The following CAPN9 variants were observed in gnomAD, a reference collection of about 807,000 sequenced individuals.
CAPN9 encodes the protein calpain 9.
A neutral mutation model predicts 92.8 loss-of-function variants in CAPN9; 81 were observed. The observed-to-expected ratio is 0.87, with a 90% CI of 0.73 to 1.05. The LOEUF is 1.05. CAPN9 is among the 50% of genes least tolerant of loss of function. The pLI is 0.00. For synonymous variants in CAPN9, 304 were observed against 328.0 expected (o/e 0.93, Z 0.79); for missense variants, 848 against 866.2 (o/e 0.98, Z 0.26).
At chr1:230,793,338 C>A (rs1173502705) in intron 17 of CAPN9, among the ~76,000 whole-genome samples, 1 of 152,228 alleles carries the variant, frequency 6.6e-6, no homozygotes, top group Non-Finnish European at 1.5e-5. Context: ...GAGCATGCAG[C>A]ACCCATGGTT....
rs547592532 is a variant in CAPN9 at position 230,792,053 on chromosome 1, C to T, written c.1722+125C>T. 1.7e-4 allele frequency: 130 copies of T among 768,274 alleles called. No homozygotes were observed. The African/African-American group carries it at 2.0e-3, about 12-fold the overall frequency. 47.6% of individuals were successfully genotyped at this position (768,274 alleles called of 1,614,324 possible). A position where few individuals can be genotyped will look rare whatever the true frequency, so the allele number is the denominator to read the frequency against. On this transcript the variant is annotated intron_variant, in intron 15 of 19. Transcript: ENST00000271971. ...CCTTAGCCAGCAGAATAGTCTTCTT[C>T]ACAGAAAATAACCCAAAGCTGGGGG... is the stretch of plus-strand genomic sequence containing the variant.
At chr1:230,768,539 A>G (rs1666157467) in intron 5 of CAPN9, among the ~76,000 whole-genome samples, 1 of 116,604 alleles carries the variant, frequency 8.6e-6, no homozygotes, top group Admixed American at 8.8e-5. Context: ...AGTTTTCTGA[A>G]ATTTGTTTTT....
chr1:230,785,610 G>T (rs969275644), intron 11 of CAPN9, among the ~76,000 whole-genome samples: 1 of 152,158 alleles, frequency 6.6e-6, no homozygotes, highest in Non-Finnish European at 1.5e-5. Context: ...TGCAATAATT[G>T]TAAGTTTCCT....
intron 5 of CAPN9, among the ~76,000 whole-genome samples, chr1:230,768,347 T>A (rs572480242): frequency 6.6e-6 from 1 of 152,282 alleles, no homozygotes; most frequent in Non-Finnish European, 1.5e-5. Context: ...TACAGGCGCA[T>A]TTTTACCTCC....
chr1:230,786,154 A>T, intron 12 of CAPN9, 137 bp downstream of exon 12: 1 of 1,568,096 alleles, frequency 6.4e-7, no homozygotes, highest in South Asian at 1.2e-5. Context: ...TATGATTCTA[A>T]CCTCCTGGAG....
intron 17 of CAPN9, among the ~76,000 whole-genome samples, chr1:230,793,816 A>G (rs1303333500): frequency 1.3e-5 from 2 of 152,152 alleles, no homozygotes; most frequent in East Asian, 1.9e-4. Flanking sequence ...GGGGCGCCTG[A>G]TTTTCTTAGG....
intron 2 of CAPN9, among the ~76,000 whole-genome samples, 196 bp from the exon 3 acceptor site, chr1:230,759,316 A>G (rs1483117957): frequency 6.6e-6 from 1 of 152,228 alleles, no homozygotes; most frequent in Non-Finnish European, 1.5e-5. Context: ...GCTGTTTATG[A>G]TAGACGGGCA....
chr1:230,772,495 G>A (rs1037447364), intron 7 of CAPN9, among the ~76,000 whole-genome samples: 13 of 152,006 alleles, frequency 8.6e-5, no homozygotes, highest in East Asian at 3.9e-4. Context: ...TTGGAGTGTC[G>A]GAATCCCTGA....
intron 11 of CAPN9, among the ~76,000 whole-genome samples, chr1:230,784,853 C>CCAA (rs1667470095): frequency 6.6e-6 from 1 of 152,194 alleles, no homozygotes; most frequent in African/African-American, 2.4e-5. Flanking sequence ...TCCTCCAGAC[C>CCAA]CAAGAATGGT....
chr1:230,775,916 CAAAAAAA>C (rs34406575), intron 8 of CAPN9, among the ~76,000 whole-genome samples: 1 of 110,556 alleles, frequency 9.0e-6, no homozygotes, highest in Non-Finnish European at 2.0e-5. Context: ...TACTCCATCT[CAAAAAAA>C]AAAAAAAAAA....
In CAPN9 at chr1:230,801,567, C is replaced by A. The variant is rs763070419; in HGVS notation, c.2047-3C>A. The A allele has an allele frequency of 1.2e-6, 2 of 1,613,912 alleles. No individual in the cohort carries two copies. Among genetic ancestry groups the A allele is most frequent in the Non-Finnish European group, 1.7e-6 (2 of 1,179,808 alleles). On this transcript the variant is annotated splice_polypyrimidine_tract_variant and splice_region_variant and intron_variant, in intron 19 of 19. Transcript: ENST00000271971. ...CCCCTCATCTCTCTCTCTCTCTTCC[C>A]AGTTCATCCATTTGACAATGAACAT...
chr1:230,793,954 C>T (rs1668174761), intron 17 of CAPN9, among the ~76,000 whole-genome samples: 1 of 152,114 alleles, frequency 6.6e-6, no homozygotes, highest in South Asian at 2.1e-4. Flanking sequence ...CCCCTCATCC[C>T]CCTCCTCTAG....
chr1:230,777,035 A>G (rs941158966), intron 8 of CAPN9: 3 of 152,250 alleles, frequency 2.0e-5, no homozygotes, highest in African/African-American at 7.2e-5. Context: ...TTTGAAGTAC[A>G]GGGGACTTTG....
chr1:230,769,653 CTATCTATCTATCT>C (rs1285770873), intron 6 of CAPN9, among the ~76,000 whole-genome samples: 14 of 130,826 alleles, frequency 1.1e-4, no homozygotes, highest in African/African-American at 3.0e-4. Flanking sequence ...ATCTATCTAT[CTATCTATCTATCT>C]ATCTATCTAT....
Position 230,755,457 on chromosome 1 carries a change from C to T in CAPN9, c.283+51C>T, listed in dbSNP as rs376727033. On this transcript the variant is annotated intron_variant, in intron 2 of 19. Coordinates refer to ENST00000271971, the MANE Select transcript of CAPN9 (RefSeq NM_006615.3). ...CGAGAGGGAGGTTGAGTCACTGGGACAGGCAAGCAACTGCAGCATGGGGTC... is the reference window on the plus strand; with the variant it reads ...CGAGAGGGAGGTTGAGTCACTGGGATAGGCAAGCAACTGCAGCATGGGGTC... 3 of 1,447,740 alleles carry T rather than the reference C, an allele frequency of 2.1e-6. No individual in the cohort carries two copies. In the African/African-American group the frequency reaches 4.3e-5, roughly 21 times the overall value. The allele number at this position is 1,447,740 out of a possible 1,614,324, so 89.7% of individuals were successfully genotyped here. A position where few individuals can be genotyped will look rare whatever the true frequency, so the allele number is the denominator to read the frequency against.
chr1:230,791,919 C>A lies in CAPN9; in HGVS notation c.1713C>A (p.Ser571=), dbSNP rs199519223. ...LSLISCKNII[S]LMDTSGNGKL... is the part of the protein sequence containing the mutation. ...TGATCTCCTGTAAAAACATCATTTC[C>A]CTGATGGACGTATCCTTCCAAATAT... The change falls in exon 15 of 20, where the codon TCC becomes TCA. Residue 571 remains serine, a synonymous_variant. Coordinates refer to ENST00000271971, the MANE Select transcript of CAPN9 (RefSeq NM_006615.3). 6.2e-6 allele frequency: 10 copies of A among 1,610,978 alleles called. No individual in the cohort carries two copies. In the Admixed American group the frequency reaches 1.7e-4, roughly 27 times the overall value.
chr1:230,764,982 G>A (rs1004260880), intron 4 of CAPN9, among the ~76,000 whole-genome samples: 1 of 152,130 alleles, frequency 6.6e-6, no homozygotes, highest in African/African-American at 2.4e-5. Context: ...TTGTCAGTGA[G>A]AGGAACTAGA....
At chr1:230,783,240 A>G (rs1383556553) in intron 11 of CAPN9, among the ~76,000 whole-genome samples, 2 of 152,206 alleles carry the variant, frequency 1.3e-5, no homozygotes, top group Non-Finnish European at 2.9e-5. Context: ...TGCCCTTGTT[A>G]AAGTACATTA....
intron 14 of CAPN9, among the ~76,000 whole-genome samples, chr1:230,791,409 A>G (rs950860706): frequency 3.9e-5 from 6 of 152,236 alleles, no homozygotes; most frequent in Non-Finnish European, 7.3e-5. Flanking sequence ...CACCAGCAGC[A>G]GTATGGGAGT....
Sources: allele counts gnomAD v4.1 joint callset (sites outside exome capture counted in the v4.1 genomes callset), GRCh38; gene constraint gnomAD v4.1.1; transcripts MANE v1.5; gene names NCBI Gene and HGNC (gene_info 2026-07-23, HGNC 2026-07-21).